The following PSIP1 variants were observed in gnomAD, a reference collection of about 807,000 sequenced individuals.
PSIP1 encodes the protein PC4 and SFRS1-interacting protein.
PSIP1 carries 19 observed loss-of-function variants against 74.7 expected under a neutral mutation model. That is an observed-to-expected ratio of 0.25 (90% CI 0.18 to 0.37). PSIP1 has a LOEUF of 0.37. Among genes scored for constraint, PSIP1 ranks in the 10% least tolerant of loss-of-function variants. The pLI, the probability that PSIP1 is intolerant of heterozygous loss-of-function variation, is 1.00. For missense variants in PSIP1, 601 were observed against 614.3 expected (o/e 0.98, Z 0.23); for synonymous variants, 222 against 195.3 (o/e 1.14, Z -1.14).
chr9:15,485,958 A>G, intron 6 of PSIP1, 48 bp downstream of exon 6: 1 of 1,488,282 alleles, frequency 6.7e-7, no homozygotes, highest in Non-Finnish European at 9.3e-7. Context: ...CCCAATTAAA[A>G]TAAAAATTCT....
intron 8 of PSIP1, among the ~76,000 whole-genome samples, chr9:15,477,953 G>A (rs1399355259): frequency 1.3e-5 from 2 of 151,104 alleles, no homozygotes; most frequent in Non-Finnish European, 3.0e-5. Flanking sequence ...GCCTGGGAAC[G>A]ATGAGACCAG....
At chr9:15,472,509 C>T in intron 10 of PSIP1, 123 bp downstream of exon 10, 4 of 1,438,792 alleles carry the variant, frequency 2.8e-6, no homozygotes, top group East Asian at 2.6e-5. Flanking sequence ...ATTTTTCTAA[C>T]ACATGGGAAA....
At chr9:15,496,954 C>T (rs1299591426) in intron 3 of PSIP1, among the ~76,000 whole-genome samples, 2 of 152,096 alleles carry the variant, frequency 1.3e-5, no homozygotes, top group African/African-American at 2.4e-5. Context: ...GAAATTGGAA[C>T]CCTCCTACAA....
chr9:15,472,386 C>A, intron 10 of PSIP1: 3 of 1,299,112 alleles, frequency 2.3e-6, no homozygotes, highest in Middle Eastern at 2.9e-4. Flanking sequence ...CAATTAAATC[C>A]TATCTGCACT....
At chr9:15,470,654 CTT>C (rs2035784281) in intron 10 of PSIP1, 9 of 932,330 alleles carry the variant, frequency 9.7e-6, no homozygotes, top group Non-Finnish European at 1.2e-5. Flanking sequence ...TTAAAAAAAA[CTT>C]TATTTTAAAA....
intron 3 of PSIP1, among the ~76,000 whole-genome samples, chr9:15,501,285 A>C (rs538763559): frequency 2.0e-5 from 3 of 152,112 alleles, no homozygotes; most frequent in Non-Finnish European, 4.4e-5. Context: ...CAATCACCAA[A>C]TATTTATTTA....
rs751993495 is a variant in PSIP1 at position 15,510,196 on chromosome 9, G to A, written c.-8C>T. On this transcript the variant is annotated 5_prime_UTR_variant, in exon 2 of 16. Coordinates refer to ENST00000380733, the MANE Select transcript of PSIP1 (RefSeq NM_033222.5). ...TTTGAAATCGCGAGTCATGTTTCGG[G>A]GGCGAGACCGGGGGTCCGAAGCCCG... 4 of 1,602,856 alleles carry A rather than the reference G, an allele frequency of 2.5e-6. No individual in the cohort carries two copies. Among genetic ancestry groups the A allele is most frequent in the East Asian group, 2.3e-5 (1 of 43,692 alleles).
At chr9:15,469,097 C>A (rs1348085671) in intron 12 of PSIP1, 39 bp from the exon 13 acceptor site, 1 of 1,536,904 alleles carries the variant, frequency 6.5e-7, no homozygotes. Context: ...TGTTAATTAT[C>A]TTAACACTTA....
intron 5 of PSIP1, 109 bp from the exon 6 acceptor site, chr9:15,486,177 T>C: frequency 1.2e-6 from 1 of 854,458 alleles, no homozygotes; most frequent in Non-Finnish European, 1.8e-6. Flanking sequence ...ATTGGGGAAA[T>C]CTGTTTTGCT....
intron 9 of PSIP1, 101 bp downstream of exon 9, chr9:15,473,904 CAAAA>C: frequency 1.5e-6 from 1 of 649,274 alleles, no homozygotes; most frequent in Admixed American, 7.4e-5. Flanking sequence ...CCATCTCAAA[CAAAA>C]AAAAAACAAA....
chr9:15,469,364 T>C (rs1383562000), intron 11 of PSIP1, 28 bp from the exon 12 acceptor site: 63 of 1,441,858 alleles, frequency 4.4e-5, no homozygotes, highest in Non-Finnish European at 6.0e-5. Context: ...TGAAAAACAG[T>C]GAACAGTTTT....
In PSIP1 at chr9:15,476,425, A is replaced by T. The variant is rs370983208; in HGVS notation, c.629+2052T>A. ...GTGGCTTTGGGTGAAGAAGTTTCAA[A>T]ATAGAATACTGGTAGCGTGAAATGA... On this transcript the variant is annotated intron_variant, in intron 8 of 15. Transcript: ENST00000380733. Among the ~76,000 whole-genome samples the T allele has an allele frequency of 3.3e-5, 5 of 152,346 alleles. No individual in the cohort carries two copies. The East Asian group carries it at 7.7e-4, about 23-fold the overall frequency.
intron 3 of PSIP1, among the ~76,000 whole-genome samples, chr9:15,494,079 G>A (rs1282613051): frequency 6.6e-6 from 1 of 152,020 alleles, no homozygotes; most frequent in Non-Finnish European, 1.5e-5. Context: ...AAAGCAACAG[G>A]AAAATGGAAC....
At chr9:15,490,674 C>A (rs1317626442) in intron 3 of PSIP1, among the ~76,000 whole-genome samples, 3 of 115,280 alleles carry the variant, frequency 2.6e-5, no homozygotes, top group African/African-American at 3.8e-5. Context: ...CAGAGTGAGA[C>A]TCTGTCTCAA....
chr9:15,500,077 A>C (rs1470757601), intron 3 of PSIP1, among the ~76,000 whole-genome samples: 1 of 152,176 alleles, frequency 6.6e-6, no homozygotes, highest in African/African-American at 2.4e-5. Flanking sequence ...TAAATATTTT[A>C]TATTTTATAA....
intron 2 of PSIP1, 59 bp downstream of exon 2, chr9:15,510,058 C>G: frequency 1.4e-6 from 2 of 1,473,458 alleles, no homozygotes; most frequent in South Asian, 1.2e-5. Flanking sequence ...ACACGGTGGG[C>G]AGCAGGCCTC....
intron 8 of PSIP1, among the ~76,000 whole-genome samples, chr9:15,477,050 T>C (rs996105146): frequency 6.6e-6 from 1 of 152,136 alleles, no homozygotes; most frequent in Non-Finnish European, 1.5e-5. Context: ...GGGACCTAAT[T>C]AGGGAACACT....
chr9:15,508,589 CG>C (rs538100629), intron 2 of PSIP1, among the ~76,000 whole-genome samples: 67 of 152,192 alleles, frequency 4.4e-4, no homozygotes, highest in African/African-American at 1.4e-3. Context: ...GCATGCAAAT[CG>C]GAATATAGAT....
chr9:15,479,447 ATG>A, intron 7 of PSIP1, 142 bp downstream of exon 7: 1 of 545,570 alleles, frequency 1.8e-6, no homozygotes, highest in Admixed American at 3.8e-5. Flanking sequence ...AGCACAAATC[ATG>A]TTTATCTCCT....
Sources: allele counts gnomAD v4.1 joint callset (sites outside exome capture counted in the v4.1 genomes callset), GRCh38; gene constraint gnomAD v4.1.1; transcripts MANE v1.5; gene names NCBI Gene and HGNC (gene_info 2026-07-23, HGNC 2026-07-21).